CCDC192: variants seen among roughly 807,000 people sequenced by gnomAD.
CCDC192 encodes the protein coiled-coil domain-containing protein 192.
At chr5:127,883,975 G>A (rs924953544) in intron 6 of CCDC192, among the ~76,000 whole-genome samples, 2 of 152,102 alleles carry the variant, frequency 1.3e-5, no homozygotes, top group African/African-American at 4.8e-5. Context: ...GACTACTGCA[G>A]GCACAGAAAG....
At chr5:127,850,221 C>G (rs1750735588) in intron 5 of CCDC192, among the ~76,000 whole-genome samples, 1 of 152,176 alleles carries the variant, frequency 6.6e-6, no homozygotes, top group Non-Finnish European at 1.5e-5. Flanking sequence ...CAAGGGCACC[C>G]AGCTCAGGGG....
intron 5 of CCDC192, among the ~76,000 whole-genome samples, chr5:127,838,180 G>T (rs879467658): frequency 6.6e-6 from 1 of 152,112 alleles, no homozygotes; most frequent in Non-Finnish European, 1.5e-5. Flanking sequence ...GCCTCACTTT[G>T]TAGCCTCTGG....
intron 6 of CCDC192, among the ~76,000 whole-genome samples, chr5:127,899,247 A>G (rs114691636): frequency 0.017 from 2,561 of 152,292 alleles, 33 homozygotes; most frequent in Non-Finnish European, 0.027. Context: ...AGGACCAAAC[A>G]GGGATCATTC....
chr5:127,917,274 A>G (rs1339950657), intron 6 of CCDC192, among the ~76,000 whole-genome samples: 3 of 152,148 alleles, frequency 2.0e-5, no homozygotes, highest in Non-Finnish European at 4.4e-5. Flanking sequence ...TTGTACTTCT[A>G]TCCAGACACT....
intron 5 of CCDC192, among the ~76,000 whole-genome samples, chr5:127,854,837 A>G (rs1750992018): frequency 6.6e-6 from 1 of 152,204 alleles, no homozygotes; most frequent in Non-Finnish European, 1.5e-5. Flanking sequence ...AAGTGTACAA[A>G]AGCTTTATGG....
At chr5:127,841,156 G>A (rs1750266701) in intron 5 of CCDC192, among the ~76,000 whole-genome samples, 2 of 152,216 alleles carry the variant, frequency 1.3e-5, no homozygotes, top group Admixed American at 6.5e-5. Context: ...CAGTTTGTAT[G>A]TGCCCTTAAG....
intron 6 of CCDC192, among the ~76,000 whole-genome samples, chr5:127,899,526 G>A (rs1012119323): frequency 6.8e-6 from 1 of 146,008 alleles, no homozygotes; most frequent in South Asian, 2.1e-4. Flanking sequence ...CCTCTCAACT[G>A]CCAGCCATAA....
At chr5:127,886,886 A>G (rs529564491) in intron 6 of CCDC192, among the ~76,000 whole-genome samples, 21 of 152,352 alleles carry the variant, frequency 1.4e-4, no homozygotes, top group Non-Finnish European at 2.2e-4. Context: ...GCAAAGAGAA[A>G]TGGCAAGAGA....
chr5:127,878,439 G>A (rs1752195144), intron 6 of CCDC192, among the ~76,000 whole-genome samples: 1 of 152,202 alleles, frequency 6.6e-6, no homozygotes, highest in South Asian at 2.1e-4. Flanking sequence ...AGCTGGATTA[G>A]GAGAAATCCA....
intron 2 of CCDC192, among the ~76,000 whole-genome samples, chr5:127,719,580 T>TACAC (rs1554068173): frequency 3.8e-5 from 5 of 132,610 alleles, no homozygotes; most frequent in African/African-American, 1.6e-4. Flanking sequence ...TATATATATA[T>TACAC]ACCAAGCAGT....
chr5:127,842,253 G>A (rs886735637), intron 5 of CCDC192, among the ~76,000 whole-genome samples: 3 of 152,158 alleles, frequency 2.0e-5, no homozygotes, highest in South Asian at 4.2e-4. Flanking sequence ...CTCACTTTGC[G>A]GCTTAGCTTG....
intron 6 of CCDC192, among the ~76,000 whole-genome samples, chr5:127,907,117 T>C: frequency 6.6e-6 from 1 of 152,278 alleles, no homozygotes; most frequent in East Asian, 1.9e-4. Context: ...ACCACATCTT[T>C]ATACTACTGA....
rs548079970 is a variant in CCDC192 at position 127,921,393 on chromosome 5, A to G, written c.536-19789A>G. On this transcript the variant is annotated intron_variant, in intron 6 of 6. Coordinates refer to ENST00000514853, the MANE Select transcript of CCDC192 (RefSeq NM_001317938.2). ...ACTAAAGAAGTCACTCATAATCACC[A>G]TCATTGCCTCCAATTTAACTCAACA... Among the ~76,000 whole-genome samples, 4 of 152,324 alleles carry G rather than the reference A, an allele frequency of 2.6e-5. No individual in the cohort carries two copies. In the South Asian group the frequency reaches 8.3e-4, roughly 32 times the overall value.
At chr5:127,930,206 A>AC (rs1753982273) in intron 6 of CCDC192, among the ~76,000 whole-genome samples, 1 of 85,542 alleles carries the variant, frequency 1.2e-5, no homozygotes, top group Non-Finnish European at 2.5e-5. Context: ...TTCTTCTCAA[A>AC]TTAAACTAAA....
At chr5:127,821,079 A>G (rs1211956224) in intron 5 of CCDC192, among the ~76,000 whole-genome samples, 1 of 152,134 alleles carries the variant, frequency 6.6e-6, no homozygotes, top group Non-Finnish European at 1.5e-5. Context: ...GGCAGAATTC[A>G]TAGTAACATT....
chr5:127,727,413 G>A (rs1199282120), intron 2 of CCDC192, among the ~76,000 whole-genome samples: 10 of 151,994 alleles, frequency 6.6e-5, no homozygotes, highest in South Asian at 2.1e-4. Flanking sequence ...CAGAGGTTGC[G>A]GAGAGCTGAG....
chr5:127,875,824 C>T (rs558768203), intron 6 of CCDC192, among the ~76,000 whole-genome samples, 163 bp downstream of exon 6: 1 of 152,198 alleles, frequency 6.6e-6, no homozygotes, highest in South Asian at 2.1e-4. Flanking sequence ...GCTGGATTCA[C>T]TTTCACCTTG....
At chr5:127,871,140 G>A (rs1378955799) in intron 5 of CCDC192, among the ~76,000 whole-genome samples, 1 of 152,194 alleles carries the variant, frequency 6.6e-6, no homozygotes, top group Admixed American at 6.5e-5. Context: ...ATCATTACAC[G>A]CAGGCAGCCA....
chr5:127,932,153 CAAA>C (rs571133232), intron 6 of CCDC192, among the ~76,000 whole-genome samples: 6 of 72,282 alleles, frequency 8.3e-5, no homozygotes, highest in Admixed American at 1.4e-4. Flanking sequence ...GACTCCGTCT[CAAA>C]AAAAAAAAAA....
Sources: gnomAD v4.1 joint callset for allele counts (sites outside exome capture counted in the v4.1 genomes callset) on GRCh38, gnomAD v4.1.1 for gene constraint, MANE v1.5 for transcripts, NCBI Gene and HGNC (gene_info 2026-07-23, HGNC 2026-07-21) for gene names.